MAGI1: variants seen among roughly 807,000 people sequenced by gnomAD.
MAGI1 encodes the protein membrane associated guanylate kinase, WW and PDZ domain containing 1.
In MAGI1, 58 loss-of-function variants were observed where a neutral mutation model predicts 139.9. The ratio of observed to expected loss-of-function variants is 0.41; its 90% CI spans 0.34 to 0.52. The LOEUF (loss-of-function observed/expected upper bound fraction) is 0.52, where lower values mean the gene tolerates loss of function less well. Ranked by LOEUF, MAGI1 falls within the 20% of genes least tolerant of loss-of-function variation. The pLI is 0.12. For missense variants in MAGI1, 1,874 were observed against 1,901.6 expected, an observed-to-expected ratio of 0.99 and a Z score of 0.27; for synonymous variants, 812 against 737.9, an observed-to-expected ratio of 1.10 and a Z score of -1.63.
At chr3:65,461,487 C>CTTT (rs537543064) in intron 5 of MAGI1, among the ~76,000 whole-genome samples, 11 of 101,950 alleles carry the variant, frequency 1.1e-4, no homozygotes, top group East Asian at 9.1e-4. Flanking sequence ...TGTTTCTTGA[C>CTTT]TTTTTTTTTT....
At chr3:65,434,359 G>C (rs373731002) in intron 10 of MAGI1, among the ~76,000 whole-genome samples, 2 of 152,098 alleles carry the variant, frequency 1.3e-5, no homozygotes, top group Non-Finnish European at 2.9e-5. Flanking sequence ...TTTTGATGGC[G>C]GTGGTGATAG....
intron 1 of MAGI1, among the ~76,000 whole-genome samples, chr3:65,677,063 C>G (rs17073404): frequency 0.043 from 6,487 of 152,146 alleles, 468 homozygotes; most frequent in African/African-American, 0.15. Context: ...TGGAGAGGGA[C>G]ATACACGATG....
At chr3:65,870,500 C>A (rs2059901017) in intron 1 of MAGI1, among the ~76,000 whole-genome samples, 5 of 151,378 alleles carry the variant, frequency 3.3e-5, no homozygotes, top group Admixed American at 3.3e-4. Context: ...CAGTGACTCA[C>A]TAAAATGAGA....
intron 10 of MAGI1, among the ~76,000 whole-genome samples, 181 bp from the exon 11 acceptor site, chr3:65,431,062 T>C (rs2107346440): frequency 6.6e-6 from 1 of 151,848 alleles, no homozygotes; most frequent in Middle Eastern, 3.4e-3. Flanking sequence ...GCCCCAGTGT[T>C]GATGGAGGGA....
intron 1 of MAGI1, among the ~76,000 whole-genome samples, chr3:65,833,611 T>C (rs528518322): frequency 1.3e-5 from 2 of 152,344 alleles, no homozygotes; most frequent in African/African-American, 4.8e-5. Context: ...TATTTGTAAG[T>C]CTTTACTATG....
At chr3:66,009,960 C>T (rs1373068532) in intron 1 of MAGI1, among the ~76,000 whole-genome samples, 2 of 150,742 alleles carry the variant, frequency 1.3e-5, no homozygotes, top group Non-Finnish European at 2.9e-5. Flanking sequence ...CCTGTAATCC[C>T]AGTTACTCAG....
chr3:65,731,680 A>G, intron 1 of MAGI1, among the ~76,000 whole-genome samples: 1 of 146,710 alleles, frequency 6.8e-6, no homozygotes, highest in East Asian at 2.0e-4. Context: ...AAAAAAAAAA[A>G]GAAAGAAAGA....
chr3:66,037,744 G>A (rs1335445242), intron 1 of MAGI1, among the ~76,000 whole-genome samples: 2 of 152,192 alleles, frequency 1.3e-5, no homozygotes, highest in African/African-American at 2.4e-5. Flanking sequence ...GAGATAACAG[G>A]TTGGCCAGCC....
intron 1 of MAGI1, among the ~76,000 whole-genome samples, chr3:65,737,268 G>C (rs2034843696): frequency 6.6e-6 from 1 of 152,226 alleles, no homozygotes; most frequent in Admixed American, 6.5e-5. Flanking sequence ...GCCTCCCAAA[G>C]TGCTGGGATT....
chr3:65,525,023 G>C (rs185135258), intron 2 of MAGI1, among the ~76,000 whole-genome samples: 48 of 152,220 alleles, frequency 3.2e-4, no homozygotes, highest in Admixed American at 9.2e-4. Flanking sequence ...CACTTGTGCT[G>C]CTTGCTAGAA....
intron 1 of MAGI1, among the ~76,000 whole-genome samples, chr3:65,836,033 G>C (rs563092599): frequency 6.6e-6 from 1 of 152,250 alleles, no homozygotes; most frequent in Admixed American, 6.5e-5. Flanking sequence ...CCAATGTCAA[G>C]GCACAAGTTT....
intron 1 of MAGI1, among the ~76,000 whole-genome samples, chr3:66,014,956 T>C (rs890843778): frequency 2.0e-5 from 3 of 152,136 alleles, no homozygotes; most frequent in African/African-American, 7.2e-5. Context: ...GTTCTAACCC[T>C]AACTGACAAC....
chr3:65,448,779 A>C (rs1220554666), intron 6 of MAGI1, among the ~76,000 whole-genome samples: 1 of 151,978 alleles, frequency 6.6e-6, no homozygotes, highest in African/African-American at 2.4e-5. Context: ...GTCCTCAAAA[A>C]TTTCAGGGAG....
At chr3:65,453,848 T>C (rs1239482511) in intron 5 of MAGI1, among the ~76,000 whole-genome samples, 3 of 152,192 alleles carry the variant, frequency 2.0e-5, no homozygotes, top group Admixed American at 2.0e-4. Context: ...TACACATCAT[T>C]AAATCACAAT....
intron 2 of MAGI1, among the ~76,000 whole-genome samples, chr3:65,530,472 G>A (rs1230884619): frequency 1.3e-5 from 2 of 151,430 alleles, no homozygotes; most frequent in East Asian, 2.0e-4. Context: ...AAATTACCCG[G>A]GTGTGGTGGT....
At chr3:65,484,742 T>A (rs1239034337) in intron 3 of MAGI1, among the ~76,000 whole-genome samples, 2 of 152,036 alleles carry the variant, frequency 1.3e-5, no homozygotes, top group Admixed American at 1.3e-4. Context: ...CACTCCTCCC[T>A]CTGCTCCTCA....
At chr3:65,970,377 T>C (rs2064963604) in intron 1 of MAGI1, among the ~76,000 whole-genome samples, 1 of 152,004 alleles carries the variant, frequency 6.6e-6, no homozygotes, top group South Asian at 2.1e-4. Context: ...GATAAAGAGT[T>C]TCAGTTTGGG....
chr3:65,644,193 A>C (rs973367479), intron 1 of MAGI1, among the ~76,000 whole-genome samples: 5 of 152,190 alleles, frequency 3.3e-5, no homozygotes, highest in Admixed American at 6.5e-5. Context: ...CAGAAGGTTT[A>C]AGTAAGTTTC....
At chr3:65,695,495 T>C (rs544003700) in intron 1 of MAGI1, among the ~76,000 whole-genome samples, 1 of 152,324 alleles carries the variant, frequency 6.6e-6, no homozygotes, top group South Asian at 2.1e-4. Flanking sequence ...AGACTGCCCA[T>C]TCCCTGTTCT....
Sources: gnomAD v4.1 joint callset for allele counts (sites outside exome capture counted in the v4.1 genomes callset) on GRCh38, gnomAD v4.1.1 for gene constraint, MANE v1.5 for transcripts, NCBI Gene and HGNC (gene_info 2026-07-23, HGNC 2026-07-21) for gene names.